SNTB1: variants seen among roughly 807,000 people sequenced by gnomAD.
SNTB1 encodes syntrophin beta 1, also known as beta-1-syntrophin.
Under a neutral mutation model 48.9 loss-of-function variants are expected in SNTB1, and 36 were observed. The observed-to-expected ratio is 0.74, with a 90% CI of 0.56 to 0.97. The LOEUF is 0.97. Ranked by LOEUF, SNTB1 falls within the 50% of genes least tolerant of loss-of-function variation. SNTB1 has a pLI of 0.00. For synonymous variants in SNTB1, 299 were observed against 294.6 expected, an observed-to-expected ratio of 1.01 and a Z score of -0.15; for missense variants, 786 against 703.4, an observed-to-expected ratio of 1.12 and a Z score of -1.33.
intron 1 of SNTB1, among the ~76,000 whole-genome samples, chr8:120,782,620 A>T (rs1477538919): frequency 6.6e-6 from 1 of 152,168 alleles, no homozygotes. Flanking sequence ...ACACACATAT[A>T]TATGTAAAAT....
chr8:120,695,127 G>A (rs752853928), intron 1 of SNTB1, among the ~76,000 whole-genome samples: 6 of 152,076 alleles, frequency 3.9e-5, no homozygotes, highest in Non-Finnish European at 8.8e-5. Context: ...ACATACTCTG[G>A]TTCACTGCTG....
chr8:120,807,387 G>A (rs1170982635), intron 1 of SNTB1, among the ~76,000 whole-genome samples: 1 of 152,220 alleles, frequency 6.6e-6, no homozygotes, highest in Non-Finnish European at 1.5e-5. Flanking sequence ...TGTGAATGCT[G>A]TTGCTGGAAT....
At chr8:120,727,549 T>C (rs185173844) in intron 1 of SNTB1, among the ~76,000 whole-genome samples, 3 of 152,320 alleles carry the variant, frequency 2.0e-5, no homozygotes, top group African/African-American at 7.2e-5. Flanking sequence ...CTAGCAATAG[T>C]AATACTCCAT....
intron 2 of SNTB1, among the ~76,000 whole-genome samples, chr8:120,668,220 A>G (rs1327433858): frequency 6.6e-6 from 1 of 152,134 alleles, no homozygotes; most frequent in Non-Finnish European, 1.5e-5. Flanking sequence ...TCCCTGGGCC[A>G]TGGCTTGAGA....
intron 3 of SNTB1, among the ~76,000 whole-genome samples, chr8:120,611,262 T>C (rs1334285700): frequency 6.6e-6 from 1 of 152,116 alleles, no homozygotes; most frequent in Admixed American, 6.5e-5. Flanking sequence ...GGCCAGCTGG[T>C]GGCCAGTTAA....
chr8:120,784,465 C>A (rs1285147771), intron 1 of SNTB1, among the ~76,000 whole-genome samples: 2 of 152,026 alleles, frequency 1.3e-5, no homozygotes, highest in African/African-American at 4.8e-5. Context: ...TAACCATGAG[C>A]CACTTCTCAG....
rs763358257 is a variant in SNTB1 at position 120,693,743 on chromosome 8, A to AG, written c.736dup (p.Leu246ProfsTer16). 2 of 1,613,472 alleles carry AG rather than the reference A, an allele frequency of 1.2e-6. No individual in the cohort carries two copies. The highest frequency in any genetic ancestry group is 1.7e-6 in the Non-Finnish European group (2 of 1,179,898). On this transcript the variant is annotated frameshift_variant, in exon 2 of 7. Transcript: ENST00000517992. LOFTEE classifies it high-confidence loss of function. ...ACTCCGAGTGACGTAGCACATTTTG[A>AG]GGGGGATGCTTTTCCGGTCTCTGTG...
At position 120,537,741 on chromosome 8, in the gene SNTB1, A is replaced by G. The variant is rs1815223435; in HGVS notation, c.*1136T>C. ...AAAAGCATTAAATCAGTAATGTGCT[A>G]TATAATGTCTGAAAATATTCCTGTA... On this transcript the variant is annotated 3_prime_UTR_variant, in exon 7 of 7. Coordinates refer to ENST00000517992, the MANE Select transcript of SNTB1 (RefSeq NM_021021.4). The G allele has an allele frequency of 1.3e-5, 2 of 152,250 alleles. No homozygotes were observed. Among genetic ancestry groups the G allele is most frequent in the African/African-American group, 4.8e-5 (2 of 41,476 alleles). 9.4% of individuals were successfully genotyped at this position (152,250 alleles called of 1,614,324 possible). A position where few individuals can be genotyped will look rare whatever the true frequency, so the allele number is the denominator to read the frequency against.
intron 3 of SNTB1, among the ~76,000 whole-genome samples, chr8:120,631,661 G>C (rs1385305834): frequency 6.6e-6 from 1 of 152,122 alleles, no homozygotes; most frequent in Non-Finnish European, 1.5e-5. Context: ...AATGGCAAAG[G>C]CTCGATCCTT....
intron 2 of SNTB1, among the ~76,000 whole-genome samples, chr8:120,633,492 C>G (rs1220447577): frequency 6.6e-6 from 1 of 152,044 alleles, no homozygotes; most frequent in African/African-American, 2.4e-5. Flanking sequence ...GTAGCCCCAG[C>G]TACTTGGAAG....
intron 2 of SNTB1, among the ~76,000 whole-genome samples, chr8:120,681,469 C>T (rs1817929683): frequency 6.6e-6 from 1 of 152,176 alleles, no homozygotes; most frequent in African/African-American, 2.4e-5. Flanking sequence ...CTTGGCTCTG[C>T]ACAACCTGCA....
intron 1 of SNTB1, among the ~76,000 whole-genome samples, chr8:120,799,164 T>C (rs1376137996): frequency 1.3e-5 from 2 of 152,048 alleles, no homozygotes; most frequent in Admixed American, 6.6e-5. Context: ...TATTGGTTCA[T>C]TCCCTTCACT....
At chr8:120,578,352 T>G (rs1475247443) in intron 3 of SNTB1, among the ~76,000 whole-genome samples, 1 of 152,162 alleles carries the variant, frequency 6.6e-6, no homozygotes, top group Non-Finnish European at 1.5e-5. Context: ...ATTTCAAGCC[T>G]TTGAAGACCA....
intron 2 of SNTB1, among the ~76,000 whole-genome samples, chr8:120,651,444 G>T (rs1188122807): frequency 6.6e-6 from 1 of 152,230 alleles, no homozygotes. Context: ...AGGGGCACAA[G>T]TTAATGAGAG....
intron 1 of SNTB1, among the ~76,000 whole-genome samples, chr8:120,722,230 G>A (rs1425464162): frequency 1.2e-4 from 19 of 152,174 alleles, no homozygotes; most frequent in Admixed American, 1.2e-3. Context: ...CTTTATAGTA[G>A]CATGATTTAT....
intron 2 of SNTB1, among the ~76,000 whole-genome samples, chr8:120,675,710 C>G (rs1030287137): frequency 6.6e-6 from 1 of 152,224 alleles, no homozygotes; most frequent in African/African-American, 2.4e-5. Flanking sequence ...GAGCACTACT[C>G]TCTCTGCCAC....
At position 120,684,447 on chromosome 8, in the gene SNTB1, G is replaced by A. The variant is rs192463427; in HGVS notation, c.788+9245C>T. On this transcript the variant is annotated intron_variant, in intron 2 of 6. Transcript: ENST00000517992. ...AAAATCTGAAGTCTCTCTAAATGTC[G>A]TCTAAATCACATGTAAGTGAGACTC... Among the ~76,000 whole-genome samples the A allele has an allele frequency of 1.1e-3, 174 of 152,076 alleles. 2 individuals are homozygous for A. The highest frequency in any genetic ancestry group is 3.4e-3 in the Middle Eastern group (1 of 294).
intron 5 of SNTB1, among the ~76,000 whole-genome samples, chr8:120,543,772 T>A (rs967176913): frequency 6.6e-6 from 1 of 152,144 alleles, no homozygotes; most frequent in Non-Finnish European, 1.5e-5. Flanking sequence ...ATGCCCCTTC[T>A]CCAGACTGAC....
At chr8:120,592,771 G>A (rs1056786477) in intron 3 of SNTB1, among the ~76,000 whole-genome samples, 4 of 152,136 alleles carry the variant, frequency 2.6e-5, no homozygotes, top group African/African-American at 9.7e-5. Flanking sequence ...ATATATAAGA[G>A]CTCTGTTGAG....
Sources: gnomAD v4.1 joint callset for allele counts (sites outside exome capture counted in the v4.1 genomes callset) on GRCh38, gnomAD v4.1.1 for gene constraint, MANE v1.5 for transcripts, NCBI Gene and HGNC (gene_info 2026-07-23, HGNC 2026-07-21) for gene names.